CELSR2: variants seen among roughly 807,000 people sequenced by gnomAD.
CELSR2 encodes the protein EGF-like protein 2.
CELSR2 carries 81 observed loss-of-function variants against 251.6 expected under a neutral mutation model. That is an observed-to-expected ratio of 0.32 (90% confidence interval 0.27 to 0.39). The LOEUF (loss-of-function observed/expected upper bound fraction) is 0.39, where lower values mean the gene tolerates loss of function less well. Among genes scored for constraint, CELSR2 ranks in the 10% least tolerant of loss-of-function variants. CELSR2 has a pLI of 1.00. For missense variants in CELSR2, 3,365 were observed against 3,947.7 expected (o/e 0.85, Z 3.96); for synonymous variants, 1,721 against 1,670.5 (o/e 1.03, Z -0.74).
At position 109,264,964 on chromosome 1, in the gene CELSR2, C is replaced by A. The variant is rs1374533182; in HGVS notation, c.5561C>A (p.Thr1854Asn). Reference sequence around the variant, plus strand: ...AAGCCCAGTGCCCCCCATGGCTATACCTGCGAGTGTCCCCCAAATTACCTT... The same window carrying A: ...AAGCCCAGTGCCCCCCATGGCTATAACTGCGAGTGTCCCCCAAATTACCTT... The part of the protein sequence containing the change: ...TRKPSAPHGY[T>N]CECPPNYLGP... Residue 1854 changes from threonine to asparagine, a missense_variant, in exon 12 of 34, where the codon ACC becomes AAC. Transcript: ENST00000271332. The A allele has an allele frequency of 6.2e-7, 1 of 1,614,212 alleles. No homozygotes were observed. Among genetic ancestry groups the A allele is most frequent in the Non-Finnish European group, 8.5e-7 (1 of 1,180,038 alleles).
chr1:109,256,038 A>C (rs1351904316), intron 1 of CELSR2, among the ~76,000 whole-genome samples: 1 of 152,178 alleles, frequency 6.6e-6, no homozygotes, highest in Non-Finnish European at 1.5e-5. Flanking sequence ...CTCCTCTCTT[A>C]ATCAGTTATG....
Position 109,264,566 on chromosome 1 carries a change from C to T in CELSR2, c.5402C>T (p.Pro1801Leu), listed in dbSNP as rs1223688773. 12 of 1,614,176 alleles carry T rather than the reference C, an allele frequency of 7.4e-6. No homozygotes were observed. In the Middle Eastern group the frequency reaches 6.6e-4, roughly 89 times the overall value. The change falls in exon 11 of 34, where the codon CCG (proline) becomes CTG (leucine). Residue 1801 changes from proline (P) to leucine (L), a missense_variant. Pro to Leu is a moderately conservative substitution (Grantham distance 98). Transcript: ENST00000271332. Reference protein sequence around the residue: ...CSLPDPCDSNPCPANSYCSND... With the variant: ...CSLPDPCDSNLCPANSYCSND... ...CTGCCTGACCCTTGTGACTCAAACC[C>T]GTGTCCTGCTAACAGCTATTGCAGC... is the stretch of plus-strand genomic sequence containing the variant.
At position 109,263,760 on chromosome 1, in the gene CELSR2, A is replaced by G. The variant is rs1006665626; in HGVS notation, c.4984A>G (p.Ser1662Gly). 2 of 1,613,442 alleles carry G rather than the reference A, an allele frequency of 1.2e-6. No individual in the cohort carries two copies. Among genetic ancestry groups the G allele is most frequent in the Non-Finnish European group, 8.5e-7 (1 of 1,179,948 alleles). ...VLLQAITRGR[S>G]TITLQLREGH... ...GCTGCAGGCCATCACCAGGGGGCGCAGCACCATCACCCTACAGGTGATGCA... is the reference window on the plus strand; with the variant it reads ...GCTGCAGGCCATCACCAGGGGGCGCGGCACCATCACCCTACAGGTGATGCA... Residue 1662 changes from serine to glycine, a missense_variant, in exon 9 of 34, where the codon AGC (serine) becomes GGC (glycine). Ser to Gly is a moderately conservative substitution (Grantham distance 56, BLOSUM62 0). Coordinates refer to ENST00000271332, the MANE Select transcript of CELSR2 (RefSeq NM_001408.3).
rs367793367 is a variant in CELSR2, at chr1:109,251,891, C to T, written c.1812C>T (p.Asn604=). ...ASVSVTVLDV[N]DNNPTFTQPE... is the part of the protein sequence containing the mutation. ...TCAGCGTGACTGTCCTGGATGTCAA[C>T]GACAACAATCCAACCTTTACCCAAC... The change falls in exon 1 of 34, where the codon AAC becomes AAT. Residue 604 remains asparagine (N), a synonymous_variant. Coordinates refer to ENST00000271332, the MANE Select transcript of CELSR2 (RefSeq NM_001408.3). This position sits in a 1 kb window ranked among gnomAD's most constrained non-coding sequence, Gnocchi z 4.9. 2.1e-4 allele frequency: 344 copies of T among 1,614,112 alleles called. No homozygotes were observed. Among genetic ancestry groups the T allele is most frequent in the Admixed American group, 6.0e-4 (36 of 60,026 alleles).
Position 109,272,623 on chromosome 1 carries a change from T to A in CELSR2, c.8055-17T>A. 1 of 1,609,810 alleles carries A rather than the reference T, an allele frequency of 6.2e-7. No homozygotes were observed. Among genetic ancestry groups the A allele is most frequent in the Non-Finnish European group, 8.5e-7 (1 of 1,176,862 alleles). ...AGGGGCCAGGCTGACCCCTCCAGCA[T>A]GGTCTCATCTTCCTAGGGAGGAGTC... On this transcript the variant is annotated splice_polypyrimidine_tract_variant and intron_variant, in intron 29 of 33. Transcript: ENST00000271332.
chr1:109,253,082 T>C lies in CELSR2; in HGVS notation c.3003T>C (p.Ala1001=). 6.2e-7 allele frequency: 1 copy of C among 1,613,578 alleles called. No homozygotes were observed. Among genetic ancestry groups the C allele is most frequent in the Non-Finnish European group, 8.5e-7 (1 of 1,180,002 alleles). The part of the protein sequence containing the change: ...EYVLVIQATS[A]PLVSRATVHV... ...TCCTGGTCATCCAGGCCACGTCAGC[T>C]CCTCTGGTGAGCCGGGCTACAGTCC... The change falls in exon 1 of 34, where the codon GCT becomes GCC. Residue 1001 remains alanine, a synonymous_variant. Coordinates refer to ENST00000271332, the MANE Select transcript of CELSR2 (RefSeq NM_001408.3).
At chr1:109,272,198 G>A in intron 28 of CELSR2, 80 bp from the exon 29 acceptor site, 1 of 1,495,670 alleles carries the variant, frequency 6.7e-7, no homozygotes, top group South Asian at 1.3e-5. Flanking sequence ...CTTAGGGCAA[G>A]TTCCCTCCAC....
In CELSR2 at chr1:109,263,620, A is replaced by C; in HGVS notation, c.4844A>C (p.Asn1615Thr). ...TTTCCTGCCTCCCCAGAAATGGCCA[A>C]TCCACAGCACTTCCTGGGCAGCAGC... is the stretch of plus-strand genomic sequence containing the variant. ...GGKSCAQEMA[N>T]PQHFLGSSLV... Residue 1615 changes from asparagine to threonine, a missense_variant, in exon 9 of 34, where the codon AAT becomes ACT. Around this residue, in one of 5 missense-constraint regions of CELSR2, gnomAD observed 2,093 missense variants for 2,382.8 expected, o/e 0.88. Coordinates refer to ENST00000271332, the MANE Select transcript of CELSR2 (RefSeq NM_001408.3). 2 of 1,613,878 alleles carry C rather than the reference A, an allele frequency of 1.2e-6. No homozygotes were observed. The highest frequency in any genetic ancestry group is 1.7e-6 in the Non-Finnish European group (2 of 1,179,866).
chr1:109,271,205 G>A lies in CELSR2; in HGVS notation c.7597-12G>A. The A allele has an allele frequency of 1.2e-6, 2 of 1,613,344 alleles. No homozygotes were observed. Among genetic ancestry groups the A allele is most frequent in the Non-Finnish European group, 1.7e-6 (2 of 1,179,472 alleles). ...CCCCACTGAGCACCCCATGCCCTCT[G>A]CCCCTGCCTAGATGAGTGTCTTCCT... On this transcript the variant is annotated splice_polypyrimidine_tract_variant and intron_variant, in intron 25 of 33. Transcript: ENST00000271332.
In CELSR2 at chr1:109,249,754, C is replaced by G. The variant is rs1460636461; in HGVS notation, c.-326C>G. On this transcript the variant is annotated 5_prime_UTR_variant, in exon 1 of 34. Transcript: ENST00000271332. ...GAGGGGGCACCCCGGCTCCGGAACC[C>G]GGGGCCCGGCAAGGCCAGGGGCGCC... Among the ~76,000 whole-genome samples, 1 of 149,326 alleles carries G rather than the reference C, an allele frequency of 6.7e-6. No homozygotes were observed. The highest frequency in any genetic ancestry group is 1.5e-5 in the Non-Finnish European group (1 of 67,038).
chr1:109,270,660 G>A (rs1287617306), intron 24 of CELSR2, 60 bp downstream of exon 24: 8 of 1,572,112 alleles, frequency 5.1e-6, no homozygotes, highest in Admixed American at 1.8e-5. Flanking sequence ...TTTGTGCCAT[G>A]TTCTCTCCAC....
In CELSR2 at chr1:109,264,628, G is replaced by C. The variant is rs1229492859; in HGVS notation, c.5464G>C (p.Gly1822Arg). ...CAGCTATTCCTGCAGCTGTGATCCA[G>C]GTATGCTAAGGATCCAGGGCAACGG... is the stretch of plus-strand genomic sequence containing the variant. ...WDSYSCSCDP[G>R]YYGDNCTNVC... is the part of the protein sequence containing the mutation. The change falls in exon 11 of 34, where the codon GGT becomes CGT. Residue 1822 changes from glycine to arginine, a missense_variant and splice_region_variant. By Grantham distance (125) the Gly-to-Arg change is moderately radical. Transcript: ENST00000271332. 2 of 1,609,540 alleles carry C rather than the reference G, an allele frequency of 1.2e-6. No individual in the cohort carries two copies. Among genetic ancestry groups the C allele is most frequent in the Non-Finnish European group, 1.7e-6 (2 of 1,176,130 alleles).
Position 109,269,824 on chromosome 1 carries a change from G to A in CELSR2, c.7107+4G>A, listed in dbSNP as rs375849638. On this transcript the variant is annotated splice_donor_region_variant and intron_variant, in intron 22 of 33. Transcript: ENST00000271332. The surrounding 1 kb of genome is among the most constrained non-coding windows in gnomAD (Gnocchi z 6.4). The stretch of plus-strand genomic sequence containing the variant: ...CATGGACGTTTCTCGGCGGGAGGTC[G>A]GGCCCACAGGGGCAGCTGCAGAGCC... The A allele has an allele frequency of 8.5e-5, 137 of 1,612,414 alleles. No homozygotes were observed. Among genetic ancestry groups the A allele is most frequent in the Non-Finnish European group, 1.1e-4 (128 of 1,179,916 alleles).
Position 109,264,239 on chromosome 1 carries a change from T to C in CELSR2, c.5163T>C (p.Tyr1721=), listed in dbSNP as rs536892220. Residue 1721 remains tyrosine (Y), a synonymous_variant, in exon 10 of 34, where the codon TAT becomes TAC. Coordinates refer to ENST00000271332, the MANE Select transcript of CELSR2 (RefSeq NM_001408.3). ...GPGHAILSFD[Y]GQQRAEGNLG... is the part of the protein sequence containing the mutation. ...GCCATGCCATTCTGTCCTTCGATTATGGGCAGCAGAGAGCAGAGGGCAACC... is the reference window on the plus strand; with the variant it reads ...GCCATGCCATTCTGTCCTTCGATTACGGGCAGCAGAGAGCAGAGGGCAACC... The C allele has an allele frequency of 3.1e-6, 5 of 1,613,980 alleles. No individual in the cohort carries two copies. Among genetic ancestry groups the C allele is most frequent in the East Asian group, 2.2e-5 (1 of 44,884 alleles).
intron 15 of CELSR2, among the ~76,000 whole-genome samples, chr1:109,267,032 C>G (rs780907619): frequency 2.5e-4 from 38 of 152,102 alleles, no homozygotes; most frequent in Non-Finnish European, 4.6e-4. Flanking sequence ...ACATCTTGGA[C>G]TCTTAACAAA....
In CELSR2 at chr1:109,268,976, C is replaced by T. The variant is rs1462016470; in HGVS notation, c.6599C>T (p.Thr2200Ile). 6.2e-7 allele frequency: 1 copy of T among 1,613,520 alleles called. No individual in the cohort carries two copies. The highest frequency in any genetic ancestry group is 1.1e-5 in the South Asian group (1 of 91,052). The part of the protein sequence containing the change: ...LRGEQPPDLE[T>I]TVILPESVFR... ...GGGGAGCAGCCCCCGGACCTTGAGA[C>T]AACAGTCATTCTGCCTGAGTCTGTC... The change falls in exon 19 of 34, where the codon ACA becomes ATA. Residue 2200 changes from threonine (T) to isoleucine (I), a missense_variant. Thr to Ile is a moderately conservative substitution (Grantham distance 89). This residue lies in a region of CELSR2 where 2,093 missense variants were observed against 2,382.8 expected (regional missense o/e 0.88). Transcript: ENST00000271332.
In CELSR2 at chr1:109,267,573, G is replaced by T; in HGVS notation, c.6039G>T (p.Glu2013Asp). 6.2e-7 allele frequency: 1 copy of T among 1,614,156 alleles called. No individual in the cohort carries two copies. ...GGACTGCTGTGCGCCACTGTGATGA[G>T]CACAGGGGGTGGCTCCCCCCAAACC... The part of the protein sequence containing the change: ...SFGTAVRHCD[E>D]HRGWLPPNLF... Residue 2013 changes from glutamate (E) to aspartate (D), a missense_variant, in exon 16 of 34, where the codon GAG becomes GAT. Around this residue, in one of 5 missense-constraint regions of CELSR2, gnomAD observed 2,093 missense variants for 2,382.8 expected, o/e 0.88. Coordinates refer to ENST00000271332, the MANE Select transcript of CELSR2 (RefSeq NM_001408.3).
chr1:109,262,844 T>A lies in CELSR2; in HGVS notation c.4583T>A (p.Val1528Glu). 2 of 1,613,536 alleles carry A rather than the reference T, an allele frequency of 1.2e-6. No homozygotes were observed. The highest frequency in any genetic ancestry group is 1.7e-6 in the Non-Finnish European group (2 of 1,179,978). Reference sequence around the variant, plus strand: ...ACGGGGCCCCTGCTACTAGGCGGGGTGCCTGACCTGCCCGAGAGCTTCCCA... The same window carrying A: ...ACGGGGCCCCTGCTACTAGGCGGGGAGCCTGACCTGCCCGAGAGCTTCCCA... ...DLTGPLLLGG[V>E]PDLPESFPVR... is the part of the protein sequence containing the mutation. The change falls in exon 7 of 34, where the codon GTG (valine) becomes GAG (glutamate). Residue 1528 changes from valine to glutamate, a missense_variant. Physicochemically the swap from Val to Glu is moderately radical, Grantham distance 121 (BLOSUM62 -2). Around this residue, in one of 5 missense-constraint regions of CELSR2, gnomAD observed 2,093 missense variants for 2,382.8 expected, o/e 0.88. Transcript: ENST00000271332.
Position 109,253,265 on chromosome 1 carries a change from C to G in CELSR2, c.3186C>G (p.Tyr1062Ter). The change falls in exon 1 of 34, where the codon TAC becomes TAG. Residue 1062 changes from tyrosine (Y) to a stop codon, truncating the protein, a stop_gained. Transcript: ENST00000271332. LOFTEE classifies it high-confidence loss of function. ...CTGATATCTCAGATAGTCTGACTTA[C>G]AGCTTTGAGCGGGGAAATGAACTCA... is the stretch of plus-strand genomic sequence containing the variant. ...HDPDISDSLT[Y>*]SFERGNELSL... 6.2e-7 allele frequency: 1 copy of G among 1,613,498 alleles called. No individual in the cohort carries two copies. Among genetic ancestry groups the G allele is most frequent in the Non-Finnish European group, 8.5e-7 (1 of 1,180,042 alleles).
Sources: allele counts gnomAD v4.1 joint callset (sites outside exome capture counted in the v4.1 genomes callset), GRCh38; gene constraint gnomAD v4.1.1; regional missense constraint gnomAD v4.1.1; non-coding constraint Gnocchi (gnomAD v3.1); transcripts MANE v1.5; gene names NCBI Gene and HGNC (gene_info 2026-07-23, HGNC 2026-07-21).